The following THAP5 variants were observed in gnomAD, a reference collection of about 807,000 sequenced individuals.
The protein encoded by THAP5 is THAP domain containing 5, also known as THAP domain-containing protein 5.
Under a neutral mutation model 34.0 loss-of-function variants are expected in THAP5, and 26 were observed. The ratio of observed to expected loss-of-function variants is 0.77; its 90% CI spans 0.56 to 1.06. The LOEUF (loss-of-function observed/expected upper bound fraction) is 1.06, where lower values mean the gene tolerates loss of function less well. THAP5 is among the 50% of genes least tolerant of loss of function. THAP5 has a pLI of 0.00. For missense variants in THAP5, 394 were observed against 452.8 expected, an observed-to-expected ratio of 0.87 and a Z score of 1.18; for synonymous variants, 125 against 153.0, an observed-to-expected ratio of 0.82 and a Z score of 1.35.
chr7:108,552,597 C>T (rs549148458), downstream of THAP5, among the ~76,000 whole-genome samples: 11 of 152,278 alleles, frequency 7.2e-5, no homozygotes, highest in South Asian at 2.3e-3. Flanking sequence ...GTCAGGAGTT[C>T]GAGACCAGCC....
chr7:108,556,132 A>G (rs145115842), intron 1 of THAP5, among the ~76,000 whole-genome samples: 215 of 152,180 alleles, frequency 1.4e-3, no homozygotes, highest in African/African-American at 4.9e-3. Context: ...CCATGATTCA[A>G]TCACCTCCCA....
chr7:108,551,750 A>C (rs1864354945), downstream of THAP5, among the ~76,000 whole-genome samples: 1 of 152,206 alleles, frequency 6.6e-6, no homozygotes, highest in South Asian at 2.1e-4. Context: ...AAAACATTAA[A>C]AAATATAGAT....
At chr7:108,558,005 C>T (rs1396256058), downstream of THAP5, among the ~76,000 whole-genome samples, 1 of 152,168 alleles carries the variant, frequency 6.6e-6, no homozygotes, top group African/African-American at 2.4e-5. Flanking sequence ...ACCTTCTTCA[C>T]TTGGTGGAGT....
At chr7:108,552,515 T>C (rs1287746025), downstream of THAP5, among the ~76,000 whole-genome samples, 1 of 152,182 alleles carries the variant, frequency 6.6e-6, no homozygotes, top group Non-Finnish European at 1.5e-5. Context: ...AAAGTATCTC[T>C]TAGGCTGGGC....
intron 1 of THAP5, 144 bp from the exon 2 acceptor site, chr7:108,566,166 A>T (rs566160905): frequency 1.6e-6 from 1 of 631,538 alleles, no homozygotes; most frequent in African/African-American, 1.8e-5. Flanking sequence ...ACCAAATAAG[A>T]GCATCTTCAT....
In THAP5 at chr7:108,569,604, G is replaced by A; in HGVS notation, c.-35C>T. 2 of 1,549,072 alleles carry A rather than the reference G, an allele frequency of 1.3e-6. No homozygotes were observed. The highest frequency in any genetic ancestry group is 1.2e-5 in the South Asian group (1 of 84,012). On this transcript the variant is annotated 5_prime_UTR_variant, in exon 1 of 3. Transcript: ENST00000415914. ...GAGGCCCCTGGAGACCGGGGCCGGCGACGGATGCAGGGCGGCCCTCCTCAC... is the reference window on the plus strand; with the variant it reads ...GAGGCCCCTGGAGACCGGGGCCGGCAACGGATGCAGGGCGGCCCTCCTCAC...
At chr7:108,557,700 T>C (rs867862930), downstream of THAP5, among the ~76,000 whole-genome samples, 8 of 152,334 alleles carry the variant, frequency 5.3e-5, no homozygotes, top group South Asian at 1.7e-3. Flanking sequence ...TTCTAAACTT[T>C]CCCTCATTTT....
downstream of THAP5, chr7:108,554,411 G>A (rs2154517855): frequency 6.6e-6 from 1 of 152,280 alleles, no homozygotes; most frequent in South Asian, 2.1e-4. Flanking sequence ...TAAGATAGGA[G>A]ACACCAAGAT....
the THAP5 span, among the ~76,000 whole-genome samples, chr7:108,546,644 A>G: frequency 6.6e-6 from 1 of 152,176 alleles, no homozygotes; most frequent in Non-Finnish European, 1.5e-5. Flanking sequence ...ATTGTTTAAA[A>G]CCAGGGTGCT....
downstream of THAP5, among the ~76,000 whole-genome samples, chr7:108,561,481 C>T (rs549240647): frequency 6.8e-6 from 1 of 148,024 alleles, no homozygotes; most frequent in South Asian, 2.1e-4. Flanking sequence ...GTTGGCTAGG[C>T]TAGTCTTTAA....
chr7:108,562,555 A>G lies in THAP5; in HGVS notation c.*1636T>C, dbSNP rs1790373064. 6.6e-6 allele frequency: 1 copy of G among 152,204 alleles called. No homozygotes were observed. The highest frequency in any genetic ancestry group is 2.4e-5 in the African/African-American group (1 of 41,456). The allele number at this position is 152,204 out of a possible 1,614,324, so 9.4% of individuals were successfully genotyped here. On this transcript the variant is annotated 3_prime_UTR_variant, in exon 3 of 3. Transcript: ENST00000415914. ...AGTCAACTTTTATTGAGCACCTCCTATATTCCAGAACCAAAAACATGTTTG... is the reference window on the plus strand; with the variant it reads ...AGTCAACTTTTATTGAGCACCTCCTGTATTCCAGAACCAAAAACATGTTTG...
chr7:108,547,671 C>T, the THAP5 span, among the ~76,000 whole-genome samples: 4 of 152,144 alleles, frequency 2.6e-5, no homozygotes, highest in East Asian at 7.7e-4. Flanking sequence ...TACAGTTTAT[C>T]AAGCCTGCTT....
intron 1 of THAP5, among the ~76,000 whole-genome samples, chr7:108,557,110 C>T (rs773627870): frequency 5.9e-5 from 9 of 152,218 alleles, no homozygotes; most frequent in Non-Finnish European, 1.3e-4. Context: ...TGCCATGTCC[C>T]AGGGCTGTGG....
chr7:108,555,879 T>G, intron 1 of THAP5, among the ~76,000 whole-genome samples: 1 of 151,790 alleles, frequency 6.6e-6, no homozygotes, highest in African/African-American at 2.4e-5. Flanking sequence ...ATTTTTGTAC[T>G]TTTTGTAGAG....
rs576544513 is a variant in THAP5 at position 108,563,930 on chromosome 7, T to A, written c.*261A>T. The A allele has an allele frequency of 7.2e-6, 2 of 277,488 alleles. No individual in the cohort carries two copies. Among genetic ancestry groups the A allele is most frequent in the Non-Finnish European group, 1.3e-5 (2 of 148,412 alleles). 17.2% of individuals were successfully genotyped at this position (277,488 alleles called of 1,614,324 possible). A position where few individuals can be genotyped will look rare whatever the true frequency, so the allele number is the denominator to read the frequency against. On this transcript the variant is annotated 3_prime_UTR_variant, in exon 3 of 3. Coordinates refer to ENST00000415914, the MANE Select transcript of THAP5 (RefSeq NM_001130475.3). ...GCTCTTTGAACACTTCTTTGTTTTC[T>A]CATGTTATAACTGAATCCTTCTATG...
chr7:108,547,836 C>A, the THAP5 span, among the ~76,000 whole-genome samples: 61 of 152,272 alleles, frequency 4.0e-4, no homozygotes, highest in African/African-American at 1.4e-3. Flanking sequence ...ACGTAAAGAG[C>A]TTTTGTTTCT....
intron 1 of THAP5, among the ~76,000 whole-genome samples, chr7:108,568,891 A>G (rs1021230934): frequency 6.6e-6 from 1 of 152,212 alleles, no homozygotes; most frequent in Non-Finnish European, 1.5e-5. Context: ...TCAGTGCTTC[A>G]GTAGTTTGAT....
chr7:108,555,111 A>G (rs773021306), intron 1 of THAP5, among the ~76,000 whole-genome samples: 2 of 152,170 alleles, frequency 1.3e-5, no homozygotes, highest in Non-Finnish European at 2.9e-5. Context: ...TAGAGAGCCA[A>G]TATGCTAATT....
intron 1 of THAP5, among the ~76,000 whole-genome samples, chr7:108,557,059 C>A (rs1167972523): frequency 6.6e-6 from 1 of 152,258 alleles, no homozygotes; most frequent in Middle Eastern, 3.2e-3. Context: ...GCTTTGGCCC[C>A]TTTTAGCCAC....
Sources: gnomAD v4.1 joint callset for allele counts (sites outside exome capture counted in the v4.1 genomes callset) on GRCh38, gnomAD v4.1.1 for gene constraint, MANE v1.5 for transcripts, NCBI Gene and HGNC (gene_info 2026-07-23, HGNC 2026-07-21) for gene names.